Variants in MAVS observed in about 807,000 individuals in gnomAD.
MAVS encodes mitochondrial antiviral-signaling protein.
MAVS carries 20 observed loss-of-function variants against 30.2 expected under a neutral mutation model. That is an observed-to-expected ratio of 0.66 (90% CI 0.47 to 0.96). The LOEUF (loss-of-function observed/expected upper bound fraction) is 0.96. Ranked by LOEUF, MAVS falls within the 40% of genes least tolerant of loss-of-function variation. MAVS has a pLI of 0.00. For synonymous variants in MAVS, 278 were observed against 293.9 expected, an observed-to-expected ratio of 0.95 and a Z score of 0.55; for missense variants, 624 against 701.1, an observed-to-expected ratio of 0.89 and a Z score of 1.24.
intron 2 of MAVS, among the ~76,000 whole-genome samples, chr20:3,856,216 G>A (rs914570117): frequency 2.0e-5 from 3 of 151,774 alleles, no homozygotes; most frequent in Admixed American, 6.6e-5. Context: ...CACCATGCCC[G>A]GCTAATTTTT....
Position 3,870,770 on chromosome 20 carries a change from TAG to T in MAVS, c.*4630_*4631del, listed in dbSNP as rs772274587. ...TTATGAACTTTCAAACACAAAAAAGTAGAGAGAGTAGAATAACAAATCCCCAT... is the reference window on the plus strand; with the variant it reads ...TTATGAACTTTCAAACACAAAAAAGTAGAGAGTAGAATAACAAATCCCCAT... On this transcript the variant is annotated 3_prime_UTR_variant, in exon 7 of 7. Coordinates refer to ENST00000428216, the MANE Select transcript of MAVS (RefSeq NM_020746.5). 1.4e-5 allele frequency: 2 copies of T among 145,620 alleles called. No individual in the cohort carries two copies. Among genetic ancestry groups the T allele is most frequent in the African/African-American group, 2.5e-5 (1 of 39,274 alleles). The allele number at this position is 145,620 out of a possible 1,614,324, so 9.0% of individuals were successfully genotyped here. A position where few individuals can be genotyped will look rare whatever the true frequency, so the allele number is the denominator to read the frequency against.
At chr20:3,862,689 A>G (rs979149687) in intron 5 of MAVS, among the ~76,000 whole-genome samples, 1 of 152,122 alleles carries the variant, frequency 6.6e-6, no homozygotes, top group Non-Finnish European at 1.5e-5. Flanking sequence ...GGCTACCTAC[A>G]TGGGCATTTC....
Position 3,864,401 on chromosome 20 carries a change from A to G in MAVS, c.771A>G (p.Ser257=). The change falls in exon 6 of 7, where the codon TCA becomes TCG. Residue 257 remains serine (S), a synonymous_variant. Coordinates refer to ENST00000428216, the MANE Select transcript of MAVS (RefSeq NM_020746.5). Reference sequence around the variant, plus strand: ...CTACTGGCACCTCCTTCTCCTCCTCATCCCCTGGCTTGGCCTCTGCAGGGG... The same window carrying G: ...CTACTGGCACCTCCTTCTCCTCCTCGTCCCCTGGCTTGGCCTCTGCAGGGG... ...VVSTGTSFSS[S]SPGLASAGAA... 6.2e-7 allele frequency: 1 copy of G among 1,613,772 alleles called. No homozygotes were observed. Among genetic ancestry groups the G allele is most frequent in the South Asian group, 1.1e-5 (1 of 91,072 alleles).
rs2089980729 is a variant in MAVS at position 3,874,940 on chromosome 20, C to G, written c.*8793C>G. 6.6e-6 allele frequency: 1 copy of G among 152,368 alleles called. No homozygotes were observed. Among genetic ancestry groups the G allele is most frequent in the African/African-American group, 2.4e-5 (1 of 41,442 alleles). 9.4% of individuals were successfully genotyped at this position (152,368 alleles called of 1,614,324 possible). Reference sequence around the variant, plus strand: ...TGGCGCCTGCCTGTGAGGGTGAGCCCAATGGCTAGAGGGCTCTGCTCCAAG... The same window carrying G: ...TGGCGCCTGCCTGTGAGGGTGAGCCGAATGGCTAGAGGGCTCTGCTCCAAG... On this transcript the variant is annotated 3_prime_UTR_variant, in exon 7 of 7. Transcript: ENST00000428216.
chr20:3,870,190 C>G lies in MAVS; in HGVS notation c.*4043C>G, dbSNP rs2089943329. ...GAGACCTCCACTCCCAGTGGGGGAC[C>G]TGGCCACCCATCCTTGGGGACCTGA... is the stretch of plus-strand genomic sequence containing the variant. On this transcript the variant is annotated 3_prime_UTR_variant, in exon 7 of 7. Transcript: ENST00000428216. The G allele has an allele frequency of 6.6e-6, 1 of 152,304 alleles. No homozygotes were observed. The highest frequency in any genetic ancestry group is 2.4e-5 in the African/African-American group (1 of 41,438). 9.4% of individuals were successfully genotyped at this position (152,304 alleles called of 1,614,324 possible). A position where few individuals can be genotyped will look rare whatever the true frequency, so the allele number is the denominator to read the frequency against.
Position 3,865,662 on chromosome 20 carries a change from G to T in MAVS, c.1159-21G>T. 1 of 1,580,092 alleles carries T rather than the reference G, an allele frequency of 6.3e-7. No homozygotes were observed. The highest frequency in any genetic ancestry group is 2.3e-5 in the East Asian group (1 of 44,050). Reference sequence around the variant, plus strand: ...TCCCTGCCAACCCCAGTCCCTTCCAGTGCTCTCCTTTCTTTCCCAGGAGAC... The same window carrying T: ...TCCCTGCCAACCCCAGTCCCTTCCATTGCTCTCCTTTCTTTCCCAGGAGAC... On this transcript the variant is annotated intron_variant, in intron 6 of 6. Transcript: ENST00000428216. The surrounding 1 kb of genome is among the most constrained non-coding windows in gnomAD (Gnocchi z 4.7).
intron 1 of MAVS, among the ~76,000 whole-genome samples, chr20:3,850,471 T>A (rs1020357201): frequency 1.1e-4 from 17 of 148,982 alleles, no homozygotes; most frequent in Admixed American, 3.4e-4. Flanking sequence ...ATGCCTGTAA[T>A]CCCAGCTACT....
Position 3,871,964 on chromosome 20 carries a change from T to A in MAVS, c.*5817T>A, listed in dbSNP as rs902873340. 1 of 152,304 alleles carries A rather than the reference T, an allele frequency of 6.6e-6. No homozygotes were observed. Among genetic ancestry groups the A allele is most frequent in the Non-Finnish European group, 1.5e-5 (1 of 68,038 alleles). The allele number at this position is 152,304 out of a possible 1,614,324, so 9.4% of individuals were successfully genotyped here. On this transcript the variant is annotated 3_prime_UTR_variant, in exon 7 of 7. Transcript: ENST00000428216. ...CATATATTAAGTCATTTAATCCTCATAATGACCCTATGAAAGAGATACCAT... is the reference window on the plus strand; with the variant it reads ...CATATATTAAGTCATTTAATCCTCAAAATGACCCTATGAAAGAGATACCAT...
chr20:3,854,424 C>CAAAA (rs143700590), intron 1 of MAVS, 134 bp from the exon 2 acceptor site: 22 of 188,566 alleles, frequency 1.2e-4, no homozygotes, highest in East Asian at 5.0e-4. Context: ...GACTCGCTCT[C>CAAAA]AAAAAAAAAA....
chr20:3,854,853 C>G (rs992040030), intron 2 of MAVS, 112 bp downstream of exon 2: 2 of 654,116 alleles, frequency 3.1e-6, no homozygotes, highest in African/African-American at 3.7e-5. Context: ...CTTCCTTCTT[C>G]CTCTTGCTGT....
rs771484726 is a variant in MAVS, at chr20:3,864,791, G to A, written c.1158+3G>A. 2 of 1,612,060 alleles carry A rather than the reference G, an allele frequency of 1.2e-6. No individual in the cohort carries two copies. The highest frequency in any genetic ancestry group is 1.7e-6 in the Non-Finnish European group (2 of 1,178,944). ...CTGACGGGAGCAGCAGAAATGAGGT[G>A]AGTCCTCGCCCTTCCTGGCAGGGAT... On this transcript the variant is annotated splice_donor_region_variant and intron_variant, in intron 6 of 6. Transcript: ENST00000428216.
In MAVS at chr20:3,874,832, TATTG is replaced by T. The variant is rs1215411210; in HGVS notation, c.*8687_*8690del. 10 of 152,260 alleles carry T rather than the reference TATTG, an allele frequency of 6.6e-5. No homozygotes were observed. In the East Asian group the frequency reaches 1.2e-3, roughly 18 times the overall value. 9.4% of individuals were successfully genotyped at this position (152,260 alleles called of 1,614,324 possible). Reference sequence around the variant, plus strand: ...ATGTTCAGTCTCTTGGAAGGAAGGGTATTGACTCTGAGAGGGGCCACCATCGCTG... The same window carrying T: ...ATGTTCAGTCTCTTGGAAGGAAGGGTACTCTGAGAGGGGCCACCATCGCTG... On this transcript the variant is annotated 3_prime_UTR_variant, in exon 7 of 7. Transcript: ENST00000428216.
chr20:3,853,948 C>G (rs961914246), intron 1 of MAVS, among the ~76,000 whole-genome samples: 16 of 142,016 alleles, frequency 1.1e-4, no homozygotes, highest in African/African-American at 4.3e-4. Context: ...CCACCATGCC[C>G]AGCTATTTTT....
At chr20:3,848,334 A>G (rs1445961773) in intron 1 of MAVS, among the ~76,000 whole-genome samples, 8 of 151,898 alleles carry the variant, frequency 5.3e-5, no homozygotes, top group East Asian at 3.9e-4. Context: ...CCTGACCTCA[A>G]GTGATCTGCC....
intron 1 of MAVS, among the ~76,000 whole-genome samples, chr20:3,847,251 G>A (rs562534637): frequency 6.6e-6 from 1 of 152,144 alleles, no homozygotes; most frequent in Non-Finnish European, 1.5e-5. Context: ...CTAAGGTGGG[G>A]CCGAGCCTCG....
At position 3,864,425 on chromosome 20, in the gene MAVS, G is replaced by C. The variant is rs772123337; in HGVS notation, c.795G>C (p.Gly265=). The C allele has an allele frequency of 6.2e-7, 1 of 1,613,920 alleles. No homozygotes were observed. Among genetic ancestry groups the C allele is most frequent in the South Asian group, 1.1e-5 (1 of 91,070 alleles). ...SSSSPGLASA[G]AAEGKQGAES... ...CATCCCCTGGCTTGGCCTCTGCAGG[G>C]GCTGCAGAGGGTAAACAGGGTGCAG... Residue 265 remains glycine (G), a synonymous_variant, in exon 6 of 7, where the codon GGG becomes GGC. Transcript: ENST00000428216.
At position 3,854,665 on chromosome 20, in the gene MAVS, G is replaced by T. The variant is rs752580355; in HGVS notation, c.41G>T (p.Arg14Leu). Reference sequence around the variant, plus strand: ...GACAAGACCTATAAGTATATCTGCCGCAATTTCAGCAATTTTTGCAATGTG... The same window carrying T: ...GACAAGACCTATAAGTATATCTGCCTCAATTTCAGCAATTTTTGCAATGTG... ...AEDKTYKYICRNFSNFCNVDV... is the reference protein window; with the variant it reads ...AEDKTYKYICLNFSNFCNVDV... The change falls in exon 2 of 7, where the codon CGC (arginine) becomes CTC (leucine). Residue 14 changes from arginine (R) to leucine (L), a missense_variant. Transcript: ENST00000428216. The T allele has an allele frequency of 1.9e-6, 3 of 1,613,740 alleles. No individual in the cohort carries two copies. Among genetic ancestry groups the T allele is most frequent in the African/African-American group, 2.7e-5 (2 of 74,970 alleles).
Position 3,867,015 on chromosome 20 carries a change from G to A in MAVS, c.*868G>A. On this transcript the variant is annotated 3_prime_UTR_variant, in exon 7 of 7. Coordinates refer to ENST00000428216, the MANE Select transcript of MAVS (RefSeq NM_020746.5). Reference sequence around the variant, plus strand: ...GAGTATCTGGCTCATTCTTCACTGGGTTCTTCTGAGATTGAACCTACAGGT... The same window carrying A: ...GAGTATCTGGCTCATTCTTCACTGGATTCTTCTGAGATTGAACCTACAGGT... 1 of 456,760 alleles carries A rather than the reference G, an allele frequency of 2.2e-6. No homozygotes were observed. Among genetic ancestry groups the A allele is most frequent in the South Asian group, 1.5e-5 (1 of 64,574 alleles). The allele number at this position is 456,760 out of a possible 1,614,324, so 28.3% of individuals were successfully genotyped here.
intron 3 of MAVS, 194 bp downstream of exon 3, chr20:3,858,003 T>G: frequency 1.6e-6 from 1 of 643,346 alleles, no homozygotes; most frequent in Non-Finnish European, 2.8e-6. Flanking sequence ...TCCCTTAATT[T>G]CCCTGAGCCT....
Sources: gnomAD v4.1 joint callset for allele counts (sites outside exome capture counted in the v4.1 genomes callset) on GRCh38, gnomAD v4.1.1 for gene constraint, Gnocchi (gnomAD v3.1) non-coding constraint, MANE v1.5 for transcripts, NCBI Gene and HGNC (gene_info 2026-07-23, HGNC 2026-07-21) for gene names.